Variants in NCKAP5 observed in about 807,000 individuals in gnomAD.
NCKAP5 encodes nck-associated protein 5.
Under a neutral mutation model 167.0 loss-of-function variants are expected in NCKAP5, and 92 were observed. That is an observed-to-expected ratio of 0.55 (90% CI 0.47 to 0.66). The LOEUF is 0.66. NCKAP5 is among the 30% of genes least tolerant of loss of function. The pLI is 0.00. For missense variants in NCKAP5, 2,378 were observed against 2,315.0 expected (o/e 1.03, Z -0.56); for synonymous variants, 891 against 877.4 (o/e 1.02, Z -0.27).
chr2:133,427,746 T>C (rs1371416135), intron 3 of NCKAP5, among the ~76,000 whole-genome samples: 1 of 152,154 alleles, frequency 6.6e-6, no homozygotes, highest in Non-Finnish European at 1.5e-5. Context: ...TAAAAATATG[T>C]TAGCATTAAA....
the NCKAP5 span, among the ~76,000 whole-genome samples, chr2:133,639,755 A>G: frequency 6.6e-6 from 1 of 152,164 alleles, no homozygotes. Context: ...CAGACCATCC[A>G]GGTATATACA....
intron 3 of NCKAP5, among the ~76,000 whole-genome samples, chr2:133,513,131 G>A (rs894492303): frequency 6.6e-6 from 1 of 152,156 alleles, no homozygotes; most frequent in Non-Finnish European, 1.5e-5. Flanking sequence ...TTACTGAATT[G>A]TGGACAGAGC....
intron 19 of NCKAP5, among the ~76,000 whole-genome samples, chr2:132,681,622 C>G: frequency 6.6e-6 from 1 of 152,058 alleles, no homozygotes; most frequent in East Asian, 1.9e-4. Context: ...GCTTATACTA[C>G]TATTTTTCCC....
At chr2:133,124,029 A>C (rs2082328165) in intron 6 of NCKAP5, among the ~76,000 whole-genome samples, 1 of 152,182 alleles carries the variant, frequency 6.6e-6, no homozygotes, top group African/African-American at 2.4e-5. Flanking sequence ...AACCATCTCC[A>C]TTTACGACTC....
intron 6 of NCKAP5, among the ~76,000 whole-genome samples, chr2:133,014,159 C>T (rs1041209827): frequency 2.9e-4 from 44 of 152,182 alleles, no homozygotes; most frequent in African/African-American, 9.4e-4. Flanking sequence ...CCTTACTGTC[C>T]GCAAGACAAA....
At position 133,262,102 on chromosome 2, in the gene NCKAP5, A is replaced by G. The variant is rs555043494; in HGVS notation, c.143+40935T>C. 3.9e-5 allele frequency among the ~76,000 whole-genome samples: 6 copies of G among 152,338 alleles called. No homozygotes were observed. In the South Asian group the frequency reaches 1.2e-3, roughly 32 times the overall value. ...GTGTGGGCCACTGTCTCATGCCCTA[A>G]TATGTGTTAGATTTTATTCTTAACA... On this transcript the variant is annotated intron_variant, in intron 4 of 19. Transcript: ENST00000409261.
At chr2:133,062,140 A>T (rs539706832) in intron 6 of NCKAP5, among the ~76,000 whole-genome samples, 1 of 152,352 alleles carries the variant, frequency 6.6e-6, no homozygotes, top group South Asian at 2.1e-4. Flanking sequence ...CCTGTAAGGA[A>T]TTATAATGGA....
At chr2:133,041,554 T>C (rs184651841) in intron 6 of NCKAP5, among the ~76,000 whole-genome samples, 114 of 152,336 alleles carry the variant, frequency 7.5e-4, no homozygotes, top group Non-Finnish European at 1.3e-3. Context: ...TATTTGCATA[T>C]AGCATTGATG....
chr2:132,836,933 T>A (rs1008831260), intron 11 of NCKAP5, among the ~76,000 whole-genome samples: 1 of 152,182 alleles, frequency 6.6e-6, no homozygotes, highest in East Asian at 1.9e-4. Flanking sequence ...TAAAGCACAC[T>A]CTGTGGTAGC....
intron 4 of NCKAP5, among the ~76,000 whole-genome samples, chr2:133,252,242 G>C (rs2088380075): frequency 6.6e-6 from 1 of 152,086 alleles, no homozygotes; most frequent in African/African-American, 2.4e-5. Flanking sequence ...TGAGGAGAGA[G>C]TTCCTGGTAG....
the NCKAP5 span, among the ~76,000 whole-genome samples, chr2:133,616,554 G>C: frequency 1.3e-5 from 2 of 152,038 alleles, no homozygotes; most frequent in Non-Finnish European, 2.9e-5. Flanking sequence ...AAATCTACAA[G>C]AAATGGATAA....
chr2:132,912,199 T>C (rs1379102366), intron 8 of NCKAP5, among the ~76,000 whole-genome samples: 3 of 152,146 alleles, frequency 2.0e-5, no homozygotes, highest in Non-Finnish European at 2.9e-5. Context: ...GGGACTGCTG[T>C]GCCTGAAGTG....
chr2:133,048,555 T>A lies in NCKAP5; in HGVS notation c.342-54316A>T, dbSNP rs138706578. Among the ~76,000 whole-genome samples, 458 of 152,330 alleles carry A rather than the reference T, an allele frequency of 3.0e-3. 1 individual carries two copies. Among genetic ancestry groups the A allele is most frequent in the Non-Finnish European group, 4.5e-3 (304 of 68,036 alleles). On this transcript the variant is annotated intron_variant, in intron 6 of 19. Transcript: ENST00000409261. ...GTATCATGTGAAGGCCATATGTGGATAATTTTTAGAATTAACAAAATGTTG... is the reference window on the plus strand; with the variant it reads ...GTATCATGTGAAGGCCATATGTGGAAAATTTTTAGAATTAACAAAATGTTG...
chr2:132,820,506 G>GGA (rs1340428096), intron 11 of NCKAP5, among the ~76,000 whole-genome samples: 1 of 152,050 alleles, frequency 6.6e-6, no homozygotes, highest in African/African-American at 2.4e-5. Flanking sequence ...GGGATTACAG[G>GGA]CGTGAGCCAC....
At chr2:133,246,293 G>A (rs1034705427) in intron 4 of NCKAP5, among the ~76,000 whole-genome samples, 1 of 151,924 alleles carries the variant, frequency 6.6e-6, no homozygotes, top group Admixed American at 6.5e-5. Flanking sequence ...CTCAAATGGA[G>A]CAATGACATG....
chr2:133,426,236 C>T (rs150055276), intron 3 of NCKAP5, among the ~76,000 whole-genome samples: 15 of 152,096 alleles, frequency 9.9e-5, no homozygotes, highest in African/African-American at 3.4e-4. Context: ...CACCATTACA[C>T]TCCAGCCTGG....
rs77795908 is a variant in NCKAP5 at position 132,903,503 on chromosome 2, G to T, written c.580-24587C>A. 8.0e-3 allele frequency among the ~76,000 whole-genome samples: 1,215 copies of T among 152,302 alleles called. 10 individuals are homozygous for T. The highest frequency in any genetic ancestry group is 0.02 in the Middle Eastern group (6 of 294). On this transcript the variant is annotated intron_variant, in intron 8 of 19. Coordinates refer to ENST00000409261, the MANE Select transcript of NCKAP5 (RefSeq NM_207363.3). ...TGAAAATTATTTAATGTGTTGATGT[G>T]ACAAATGTATGTTGACAGACCTCAA...
At chr2:133,093,747 C>T (rs2081262947) in intron 6 of NCKAP5, among the ~76,000 whole-genome samples, 1 of 152,166 alleles carries the variant, frequency 6.6e-6, no homozygotes, top group African/African-American at 2.4e-5. Flanking sequence ...AAATAGTTCC[C>T]ATTCATTTAC....
the NCKAP5 span, among the ~76,000 whole-genome samples, chr2:133,595,086 G>A: frequency 6.6e-6 from 1 of 152,172 alleles, no homozygotes; most frequent in South Asian, 2.1e-4. Context: ...ACTGGAGATG[G>A]CCATGAGATG....
Sources: allele counts gnomAD v4.1 joint callset (sites outside exome capture counted in the v4.1 genomes callset), GRCh38; gene constraint gnomAD v4.1.1; transcripts MANE v1.5; gene names NCBI Gene and HGNC (gene_info 2026-07-23, HGNC 2026-07-21).